Variants in KIAA0825 observed in about 807,000 individuals in gnomAD.
The protein encoded by KIAA0825 is uncharacterized protein KIAA0825.
Under a neutral mutation model 147.6 loss-of-function variants are expected in KIAA0825, and 119 were observed. That is an observed-to-expected ratio of 0.81 (90% CI 0.69 to 0.94). The LOEUF is 0.94. Ranked by LOEUF, KIAA0825 falls within the 40% of genes least tolerant of loss-of-function variation. The probability of loss-of-function intolerance (pLI) is 0.00; values close to 1 mark genes in which losing one functional copy is unlikely to be tolerated. For synonymous variants in KIAA0825, 470 were observed against 518.1 expected (o/e 0.91, Z 1.26); for missense variants, 1,381 against 1,472.7 (o/e 0.94, Z 1.02).
Position 94,441,495 on chromosome 5 carries a change from CAT to C in KIAA0825, c.2358-1376_2358-1375del, listed in dbSNP as rs534832917. Among the ~76,000 whole-genome samples, 607 of 152,248 alleles carry C rather than the reference CAT, an allele frequency of 4.0e-3. 8 individuals carry two copies. Among genetic ancestry groups the C allele is most frequent in the Middle Eastern group, 0.02 (6 of 294 alleles). Reference sequence around the variant, plus strand: ...GTTTGTGTTCCCCCTCCTCAAAATTCATATGTTGAAACCCTAATCCCAACGTA... The same window carrying C: ...GTTTGTGTTCCCCCTCCTCAAAATTCATGTTGAAACCCTAATCCCAACGTA... On this transcript the variant is annotated intron_variant, in intron 13 of 20. Transcript: ENST00000682413.
At chr5:94,441,477 T>A (rs1317961947) in intron 13 of KIAA0825, among the ~76,000 whole-genome samples, 2 of 152,140 alleles carry the variant, frequency 1.3e-5, no homozygotes, top group African/African-American at 4.8e-5. Context: ...AATGTTTGTG[T>A]TCCCCCTCCT....
At chr5:94,243,150 C>A (rs1040231763) in intron 20 of KIAA0825, among the ~76,000 whole-genome samples, 1 of 152,164 alleles carries the variant, frequency 6.6e-6, no homozygotes, top group African/African-American at 2.4e-5. Context: ...TCAGCTAATG[C>A]ATGTAAAACA....
intron 20 of KIAA0825, among the ~76,000 whole-genome samples, chr5:94,162,691 CA>C (rs528827036): frequency 8.9e-4 from 135 of 152,210 alleles, no homozygotes; most frequent in African/African-American, 3.1e-3. Context: ...TTCTCCCAAA[CA>C]AAAAAACAAA....
At chr5:94,266,754 A>G (rs1464494151) in intron 20 of KIAA0825, among the ~76,000 whole-genome samples, 2 of 152,212 alleles carry the variant, frequency 1.3e-5, no homozygotes, top group Non-Finnish European at 1.5e-5. Flanking sequence ...TTAGTAAAAC[A>G]TAACTTATGT....
chr5:94,573,628 T>C (rs1350843147), intron 2 of KIAA0825, among the ~76,000 whole-genome samples: 1 of 152,198 alleles, frequency 6.6e-6, no homozygotes, highest in Non-Finnish European at 1.5e-5. Flanking sequence ...AAATGTTTCC[T>C]ATTCAGATCT....
At chr5:94,519,930 C>T (rs1302414972) in intron 5 of KIAA0825, 4 of 776,044 alleles carry the variant, frequency 5.2e-6, no homozygotes, top group South Asian at 5.3e-5. Context: ...CATATATACT[C>T]ATTTATATAT....
chr5:94,529,555 A>G (rs533961131), intron 3 of KIAA0825, among the ~76,000 whole-genome samples: 5 of 151,774 alleles, frequency 3.3e-5, no homozygotes, highest in Admixed American at 2.6e-4. Flanking sequence ...TTTGGGGTAC[A>G]TACATACATG....
intron 20 of KIAA0825, among the ~76,000 whole-genome samples, chr5:94,382,773 A>C (rs1292527411): frequency 6.6e-6 from 1 of 152,230 alleles, no homozygotes; most frequent in Non-Finnish European, 1.5e-5. Context: ...AAAAACAAAA[A>C]TATGCAATTC....
chr5:94,590,551 G>A (rs566676240), intron 1 of KIAA0825, among the ~76,000 whole-genome samples: 11 of 152,196 alleles, frequency 7.2e-5, no homozygotes, highest in Non-Finnish European at 1.5e-4. Context: ...ATGCCAATGT[G>A]AGGAAGCCAT....
chr5:94,478,451 TCACACA>T (rs6149119), intron 6 of KIAA0825, among the ~76,000 whole-genome samples: 10 of 146,248 alleles, frequency 6.8e-5, no homozygotes, highest in South Asian at 2.2e-4. Flanking sequence ...CACATGTGCA[TCACACA>T]CACACACACA....
At chr5:94,309,878 C>G (rs961714114) in intron 20 of KIAA0825, among the ~76,000 whole-genome samples, 2 of 151,528 alleles carry the variant, frequency 1.3e-5, no homozygotes, top group Admixed American at 6.6e-5. Context: ...TCCGTGGATG[C>G]CTTTAGGATT....
chr5:94,304,494 T>C (rs1778601451), intron 20 of KIAA0825, among the ~76,000 whole-genome samples: 1 of 152,034 alleles, frequency 6.6e-6, no homozygotes, highest in Admixed American at 6.6e-5. Flanking sequence ...AATAAAAATG[T>C]TCACAGATCA....
intron 12 of KIAA0825, among the ~76,000 whole-genome samples, chr5:94,459,314 A>T (rs1028895971): frequency 1.3e-5 from 2 of 152,128 alleles, no homozygotes; most frequent in African/African-American, 4.8e-5. Flanking sequence ...GAACACTCCC[A>T]CACAAATTTT....
At chr5:94,174,455 G>C (rs892773081) in intron 20 of KIAA0825, among the ~76,000 whole-genome samples, 1 of 151,982 alleles carries the variant, frequency 6.6e-6, no homozygotes, top group African/African-American at 2.4e-5. Context: ...ATAAACATAA[G>C]ACATATTTGC....
intron 20 of KIAA0825, among the ~76,000 whole-genome samples, chr5:94,288,265 A>G (rs1416472961): frequency 6.6e-6 from 1 of 152,138 alleles, no homozygotes; most frequent in Admixed American, 6.6e-5. Context: ...AGTGTTCACC[A>G]TCTCAGGGAC....
chr5:94,310,461 A>T (rs1409964364), intron 20 of KIAA0825, among the ~76,000 whole-genome samples: 1 of 151,760 alleles, frequency 6.6e-6, no homozygotes, highest in Non-Finnish European at 1.5e-5. Flanking sequence ...TTTTATGTTC[A>T]TATATGACTT....
chr5:94,536,246 T>C (rs1771990884), intron 3 of KIAA0825, among the ~76,000 whole-genome samples: 1 of 152,240 alleles, frequency 6.6e-6, no homozygotes, highest in Admixed American at 6.5e-5. Context: ...ACCATTTCAC[T>C]TACTTGGTTC....
chr5:94,538,568 A>G (rs58074329), intron 2 of KIAA0825, among the ~76,000 whole-genome samples: 2 of 152,360 alleles, frequency 1.3e-5, no homozygotes, highest in East Asian at 3.9e-4. Flanking sequence ...TTTGGTAGAC[A>G]GCTAGCCTTT....
At chr5:94,212,826 G>A (rs1772835482) in intron 20 of KIAA0825, among the ~76,000 whole-genome samples, 1 of 152,132 alleles carries the variant, frequency 6.6e-6, no homozygotes, top group African/African-American at 2.4e-5. Context: ...ACTATCTTGA[G>A]GCTGTCTGCT....
Sources: gnomAD v4.1 joint callset for allele counts (sites outside exome capture counted in the v4.1 genomes callset) on GRCh38, gnomAD v4.1.1 for gene constraint, MANE v1.5 for transcripts, NCBI Gene and HGNC (gene_info 2026-07-23, HGNC 2026-07-21) for gene names.